The following NEB variants were observed in gnomAD, a reference collection of about 807,000 sequenced individuals.
NEB encodes the protein nebulin, also known as nemaline myopathy type 2.
A neutral mutation model predicts 952.2 loss-of-function variants in NEB; 512 were observed. That is an observed-to-expected ratio of 0.54 (90% CI 0.50 to 0.58). The LOEUF is 0.58. NEB is among the 20% of genes least tolerant of loss of function. NEB has a pLI of 0.00. For synonymous variants in NEB, 2,900 were observed against 3,149.8 expected (o/e 0.92, Z 2.66); for missense variants, 8,428 against 9,231.1 (o/e 0.91, Z 3.56).
chr2:151,524,510 C>T lies in NEB; in HGVS notation c.22374+5G>A, dbSNP rs780569045. 2.5e-6 allele frequency: 4 copies of T among 1,613,880 alleles called. No individual in the cohort carries two copies. The East Asian group carries it at 8.9e-5, about 36-fold the overall frequency. On this transcript the variant is annotated splice_donor_5th_base_variant and intron_variant, in intron 152 of 181. Coordinates refer to ENST00000397345, the MANE Select transcript of NEB (RefSeq NM_001164508.2). Reference sequence around the variant, plus strand: ...GGACTGGGGACATTTTCATGACACCCTTACCTCACTGGCCTGTTTGGCTGC... The same window carrying T: ...GGACTGGGGACATTTTCATGACACCTTTACCTCACTGGCCTGTTTGGCTGC...
At position 151,610,781 on chromosome 2, in the gene NEB, T is replaced by C; in HGVS notation, c.11891A>G (p.Asn3964Ser). 2 of 1,609,306 alleles carry C rather than the reference T, an allele frequency of 1.2e-6. No individual in the cohort carries two copies. Among genetic ancestry groups the C allele is most frequent in the Non-Finnish European group, 1.7e-6 (2 of 1,177,384 alleles). Reference sequence around the variant, plus strand: ...TCTTACTTGGCTGATATTGGCAGAATTACTCTTGGCCAGCAGGATATCTGG... The same window carrying C: ...TCTTACTTGGCTGATATTGGCAGAACTACTCTTGGCCAGCAGGATATCTGG... ...DTPDILLAKS[N>S]SANISQKLYT... The change falls in exon 79 of 182, where the codon AAT becomes AGT. Residue 3964 changes from asparagine to serine, a missense_variant. Physicochemically the swap from Asn to Ser is conservative, Grantham distance 46. This residue lies in a region of NEB where 337 missense variants were observed against 297.5 expected (regional missense o/e 1.13). Coordinates refer to ENST00000397345, the MANE Select transcript of NEB (RefSeq NM_001164508.2).
chr2:151,636,146 A>G, intron 64 of NEB, 81 bp downstream of exon 64: 1 of 1,217,676 alleles, frequency 8.2e-7, no homozygotes. Context: ...AAGGTCCAGG[A>G]AAAGTTCTTT....
chr2:151,662,037 T>C (rs1378662338), intron 46 of NEB, 98 bp downstream of exon 46: 2 of 965,328 alleles, frequency 2.1e-6, no homozygotes, highest in Admixed American at 5.7e-5. Context: ...TCAAGTGTGA[T>C]GCCCTATAAC....
chr2:151,562,642 C>T lies in NEB; in HGVS notation c.18860G>A (p.Arg6287His), dbSNP rs200195063. ...CAAGATCTCCTGGGCGTTTCGGACG[C>T]GTATAACATTGGGTTCTTCCAGAAG... is the stretch of plus-strand genomic sequence containing the variant. ...TSLLEEPNVI[R>H]VRNAQEILSD... The change falls in exon 120 of 182, where the codon CGC (arginine) becomes CAC (histidine). Residue 6287 changes from arginine to histidine, a missense_variant. Around this residue, in one of 11 missense-constraint regions of NEB, gnomAD observed 3,374 missense variants for 3,651.5 expected, o/e 0.92. Coordinates refer to ENST00000397345, the MANE Select transcript of NEB (RefSeq NM_001164508.2). 1.3e-4 allele frequency: 212 copies of T among 1,585,960 alleles called. 1 individual carries two copies. The Middle Eastern group carries it at 1.3e-3, about 10-fold the overall frequency.
rs944140286 is a variant in NEB, at chr2:151,640,352, C to T, written c.8685+3G>A. 6 of 1,612,844 alleles carry T rather than the reference C, an allele frequency of 3.7e-6. No homozygotes were observed. Among genetic ancestry groups the T allele is most frequent in the Non-Finnish European group, 5.1e-6 (6 of 1,178,946 alleles). On this transcript the variant is annotated splice_donor_region_variant and intron_variant, in intron 61 of 181. Coordinates refer to ENST00000397345, the MANE Select transcript of NEB (RefSeq NM_001164508.2). ...GCACGTTATTATGACTCTCAGTACT[C>T]ACATCGCTCTGGAGGTCATAGGCCT...
intron 54 of NEB, among the ~76,000 whole-genome samples, chr2:151,647,561 A>C (rs1288638230): frequency 3.3e-5 from 5 of 152,242 alleles, no homozygotes; most frequent in African/African-American, 1.2e-4. Flanking sequence ...AGTTATTAGT[A>C]ATAGAACAAA....
chr2:151,675,093 T>C (rs2099348789), intron 35 of NEB, among the ~76,000 whole-genome samples, 194 bp downstream of exon 35: 1 of 152,202 alleles, frequency 6.6e-6, no homozygotes, highest in Non-Finnish European at 1.5e-5. Flanking sequence ...GAGAAGAATG[T>C]TATGTCCTTT....
intron 153 of NEB, 151 bp from the exon 154 acceptor site, chr2:151,519,919 A>C (rs1200612592): frequency 1.1e-5 from 6 of 549,574 alleles, no homozygotes; most frequent in Non-Finnish European, 1.9e-5. Flanking sequence ...AGAGTAAAGA[A>C]GACACTATTA....
intron 131 of NEB, 105 bp downstream of exon 131, chr2:151,548,203 G>T: frequency 1.1e-6 from 1 of 929,056 alleles, no homozygotes; most frequent in Non-Finnish European, 1.7e-6. Context: ...TTTTTTGCTG[G>T]TATGTAAGTT....
intron 161 of NEB, among the ~76,000 whole-genome samples, chr2:151,512,104 C>T (rs2074947764): frequency 6.9e-6 from 1 of 145,228 alleles, no homozygotes; most frequent in South Asian, 2.3e-4. Flanking sequence ...GATCTCGGCT[C>T]ACTGCAAGCT....
intron 13 of NEB, among the ~76,000 whole-genome samples, chr2:151,702,060 G>A (rs1390572550): frequency 6.7e-6 from 1 of 148,486 alleles, no homozygotes; most frequent in Non-Finnish European, 1.5e-5. Flanking sequence ...ATTCTGGTAT[G>A]TTGTGTCTTT....
At position 151,490,507 on chromosome 2, in the gene NEB, G is replaced by A. The variant is rs371600800; in HGVS notation, c.25162C>T (p.Arg8388Cys). 1.9e-5 allele frequency: 31 copies of A among 1,608,650 alleles called. No individual in the cohort carries two copies. The highest frequency in any genetic ancestry group is 1.3e-4 in the South Asian group (12 of 89,520). ...GATCGTGACTGCTCCCGGCTCCGGC[G>A]CTGAGCTTGGACTGGGAGAGATGCA... The part of the protein sequence containing the change: ...SLHMINVQAQ[R>C]RSREQSRSAS... The change falls in exon 180 of 182, where the codon CGC (arginine) becomes TGC (cysteine). Residue 8388 changes from arginine to cysteine, a missense_variant. Coordinates refer to ENST00000397345, the MANE Select transcript of NEB (RefSeq NM_001164508.2).
intron 157 of NEB, 59 bp from the exon 158 acceptor site, chr2:151,514,987 T>C: frequency 9.4e-7 from 1 of 1,060,720 alleles, no homozygotes; most frequent in Non-Finnish European, 1.4e-6. Flanking sequence ...AATATATCTC[T>C]CCATCTCAGG....
chr2:151,616,787 G>C (rs2098214985), intron 75 of NEB, among the ~76,000 whole-genome samples: 1 of 151,980 alleles, frequency 6.6e-6, no homozygotes, highest in Admixed American at 6.6e-5. Context: ...AAAAAACAAG[G>C]ACAATATTTT....
chr2:151,619,491 TC>T lies in NEB; in HGVS notation c.10831del (p.Asp3611ThrfsTer24). On this transcript the variant is annotated frameshift_variant, in exon 73 of 182. Transcript: ENST00000397345. LOFTEE classifies it high-confidence loss of function. Reference protein sequence around the residue: ...HEWICLPDQNDIIHARKAYDL... With the variant: ...HEWICLPDQNXIIHARKAYDL... ...ATAGGCTTTCCGTGCATGAATGATGTCATTCTGGTCGGGCAGGCAGATCCAT... is the reference window on the plus strand; with the variant it reads ...ATAGGCTTTCCGTGCATGAATGATGTATTCTGGTCGGGCAGGCAGATCCAT... The T allele has an allele frequency of 6.2e-7, 1 of 1,612,594 alleles. No individual in the cohort carries two copies. Among genetic ancestry groups the T allele is most frequent in the Non-Finnish European group, 8.5e-7 (1 of 1,178,756 alleles).
intron 163 of NEB, 33 bp downstream of exon 163, chr2:151,506,876 T>G: frequency 7.3e-7 from 1 of 1,364,196 alleles, no homozygotes; most frequent in Non-Finnish European, 1.0e-6. Context: ...ATGACTAGGT[T>G]AGCATTAAAT....
rs1019560644 is a variant in NEB at position 151,639,742 on chromosome 2, G to A, written c.8889+115C>T. 5.8e-6 allele frequency: 5 copies of A among 857,512 alleles called. No individual in the cohort carries two copies. In the African/African-American group the frequency reaches 6.8e-5, roughly 12 times the overall value. The allele number at this position is 857,512 out of a possible 1,614,324, so 53.1% of individuals were successfully genotyped here. A position where few individuals can be genotyped will look rare whatever the true frequency, so the allele number is the denominator to read the frequency against. On this transcript the variant is annotated intron_variant, in intron 62 of 181. Transcript: ENST00000397345. Reference sequence around the variant, plus strand: ...TAGATGAGAAGCCAATAGATACATAGACAGATAGATAGATGCCTTTTATTA... The same window carrying A: ...TAGATGAGAAGCCAATAGATACATAAACAGATAGATAGATGCCTTTTATTA...
intron 66 of NEB, 26 bp downstream of exon 66, chr2:151,631,117 A>G: frequency 6.2e-7 from 1 of 1,611,350 alleles, no homozygotes; most frequent in Non-Finnish European, 8.5e-7. Context: ...GGCATCTTGG[A>G]GAAGCTTAAG....
intron 75 of NEB, among the ~76,000 whole-genome samples, chr2:151,616,993 G>A (rs1164837584): frequency 1.3e-5 from 2 of 152,182 alleles, no homozygotes; most frequent in African/African-American, 4.8e-5. Context: ...AGAGCATACT[G>A]GAGCAGCAAA....
Sources: gnomAD v4.1 joint callset for allele counts (sites outside exome capture counted in the v4.1 genomes callset) on GRCh38, gnomAD v4.1.1 for gene constraint, gnomAD v4.1.1 regional missense constraint, MANE v1.5 for transcripts, NCBI Gene and HGNC (gene_info 2026-07-23, HGNC 2026-07-21) for gene names.